The following LMNB1 variants were observed in gnomAD, a reference collection of about 807,000 sequenced individuals.
LMNB1 encodes the protein lamin B1.
In LMNB1, 23 loss-of-function variants were observed where a neutral mutation model predicts 67.1. That is an observed-to-expected ratio of 0.34 (90% CI 0.25 to 0.49). The LOEUF (loss-of-function observed/expected upper bound fraction) is 0.49, where lower values mean the gene tolerates loss of function less well. LMNB1 is among the 20% of genes least tolerant of loss of function. LMNB1 has a pLI of 0.99. For missense variants in LMNB1, 634 were observed against 746.5 expected (o/e 0.85, Z 1.76); for synonymous variants, 281 against 282.9 (o/e 0.99, Z 0.07).
Position 126,832,705 on chromosome 5 carries a change from A to G in LMNB1, c.1623A>G (p.Gln541=), listed in dbSNP as rs1194916115. 18 of 1,611,762 alleles carry G rather than the reference A, an allele frequency of 1.1e-5. No homozygotes were observed. Among genetic ancestry groups the G allele is most frequent in the Non-Finnish European group, 1.4e-5 (17 of 1,178,344 alleles). ...ACTATTGTTTTTAGGAGGTTGCTCA[A>G]AGAAGTACAGTCTTTAAAACAACCA... ...LKNSQGEEVA[Q]RSTVFKTTIP... is the part of the protein sequence containing the mutation. The change falls in exon 10 of 11, where the codon CAA becomes CAG. Residue 541 remains glutamine (Q), a synonymous_variant. Transcript: ENST00000261366.
rs200606121 is a variant in LMNB1 at position 126,825,994 on chromosome 5, G to T, written c.1498G>T (p.Ala500Ser). The T allele has an allele frequency of 5.6e-5, 90 of 1,613,734 alleles. 1 individual carries two copies. The East Asian group carries it at 1.4e-3, about 26-fold the overall frequency. The change falls in exon 9 of 11, where the codon GCT becomes TCT. Residue 500 changes from alanine (A) to serine (S), a missense_variant. Transcript: ENST00000261366. ...LKAGQTVTIWAANAGVTASPP... is the reference protein window; with the variant it reads ...LKAGQTVTIWSANAGVTASPP... The stretch of plus-strand genomic sequence containing the variant: ...ATGCTTTGGTTTTTTACAGATTTGG[G>T]CTGCAAACGCTGGTGTCACAGCCAG...
At chr5:126,777,983 TTCTGAA>T in intron 1 of LMNB1, 116 bp downstream of exon 1, 2 of 935,146 alleles carry the variant, frequency 2.1e-6, no homozygotes, top group Non-Finnish European at 2.9e-6. Flanking sequence ...GCACGCGTCC[TTCTGAA>T]GGAACAGGGT....
Position 126,832,724 on chromosome 5 carries a change from A to G in LMNB1, c.1642A>G (p.Thr548Ala). ...EVAQRSTVFKTTIPEEEEEEE... is the reference protein window; with the variant it reads ...EVAQRSTVFKATIPEEEEEEE... Reference sequence around the variant, plus strand: ...TGCTCAAAGAAGTACAGTCTTTAAAACAACCATACCTGAAGAAGAGGAGGA... The same window carrying G: ...TGCTCAAAGAAGTACAGTCTTTAAAGCAACCATACCTGAAGAAGAGGAGGA... Residue 548 changes from threonine (T) to alanine (A), a missense_variant, in exon 10 of 11, where the codon ACA (threonine) becomes GCA (alanine). Thr to Ala is a moderately conservative substitution (Grantham distance 58). Coordinates refer to ENST00000261366, the MANE Select transcript of LMNB1 (RefSeq NM_005573.4). 2 of 1,613,176 alleles carry G rather than the reference A, an allele frequency of 1.2e-6. No homozygotes were observed. The highest frequency in any genetic ancestry group is 1.1e-5 in the South Asian group (1 of 91,024).
At chr5:126,794,596 G>A (rs1414635027) in intron 1 of LMNB1, among the ~76,000 whole-genome samples, 1 of 152,186 alleles carries the variant, frequency 6.6e-6, no homozygotes, top group African/African-American at 2.4e-5. Context: ...AGTCACTTGA[G>A]TACTGCACTA....
chr5:126,813,232 A>G (rs959611745), intron 5 of LMNB1, among the ~76,000 whole-genome samples: 4 of 152,230 alleles, frequency 2.6e-5, no homozygotes, highest in African/African-American at 4.8e-5. Context: ...TTTGTTACTT[A>G]CGGCACAAAT....
intron 5 of LMNB1, among the ~76,000 whole-genome samples, chr5:126,814,562 G>C (rs1222452039): frequency 1.3e-5 from 2 of 148,508 alleles, no homozygotes; most frequent in African/African-American, 5.0e-5. Context: ...TTTTGAGACA[G>C]AATTTTGCTT....
chr5:126,829,728 G>A (rs1316399216), intron 9 of LMNB1, among the ~76,000 whole-genome samples: 1 of 152,044 alleles, frequency 6.6e-6, no homozygotes, highest in Non-Finnish European at 1.5e-5. Flanking sequence ...GACTAGGGTG[G>A]GTCACGTGCC....
At chr5:126,779,893 G>T (rs1307792443) in intron 1 of LMNB1, among the ~76,000 whole-genome samples, 1 of 152,184 alleles carries the variant, frequency 6.6e-6, no homozygotes, top group Non-Finnish European at 1.5e-5. Flanking sequence ...TTATCCAGAC[G>T]TGGTGGCATG....
Position 126,791,955 on chromosome 5 carries a change from G to A in LMNB1, c.360-12821G>A, listed in dbSNP as rs151039896. Among the ~76,000 whole-genome samples, 690 of 151,602 alleles carry A rather than the reference G, an allele frequency of 4.6e-3. 12 individuals carry two copies. Among genetic ancestry groups the A allele is most frequent in the African/African-American group, 0.016 (662 of 41,246 alleles). Reference sequence around the variant, plus strand: ...CCACCATGACACCGGGCTGATTTTCGTATTTTTAGTAGAGACGGGGTTTCA... The same window carrying A: ...CCACCATGACACCGGGCTGATTTTCATATTTTTAGTAGAGACGGGGTTTCA... On this transcript the variant is annotated intron_variant, in intron 1 of 10. Transcript: ENST00000261366.
chr5:126,826,932 T>C (rs1244238940), intron 9 of LMNB1, among the ~76,000 whole-genome samples: 2 of 152,212 alleles, frequency 1.3e-5, no homozygotes, highest in Non-Finnish European at 2.9e-5. Flanking sequence ...TTAGTTGTAA[T>C]ACTGCTTTTT....
At position 126,825,008 on chromosome 5, in the gene LMNB1, G is replaced by C. The variant is rs954814379; in HGVS notation, c.1492-980G>C. On this transcript the variant is annotated intron_variant, in intron 8 of 10. Transcript: ENST00000261366. ...TGGCCCCCATTTTGAAATAATACTT[G>C]GCTTTGCCATCTTCAGCTTTCCTTT... Among the ~76,000 whole-genome samples, 5 of 152,036 alleles carry C rather than the reference G, an allele frequency of 3.3e-5. No homozygotes were observed. In the East Asian group the frequency reaches 9.6e-4, roughly 29 times the overall value.
At chr5:126,805,403 C>T (rs998198103) in intron 2 of LMNB1, among the ~76,000 whole-genome samples, 168 bp from the exon 3 acceptor site, 1 of 152,122 alleles carries the variant, frequency 6.6e-6, no homozygotes, top group Non-Finnish European at 1.5e-5. Flanking sequence ...TGGGTGGGAC[C>T]AGCAAATGAA....
At chr5:126,785,072 C>T (rs1415154604) in intron 1 of LMNB1, among the ~76,000 whole-genome samples, 1 of 151,708 alleles carries the variant, frequency 6.6e-6, no homozygotes, top group East Asian at 1.9e-4. Context: ...CTCTGCCTCC[C>T]GGGTTCAAGT....
intron 9 of LMNB1, among the ~76,000 whole-genome samples, chr5:126,826,829 G>C (rs558846837): frequency 3.9e-5 from 6 of 152,328 alleles, no homozygotes; most frequent in Admixed American, 2.0e-4. Flanking sequence ...CCTCTGTTTA[G>C]AATTTGAGTC....
intron 1 of LMNB1, 130 bp downstream of exon 1, chr5:126,777,997 G>A: frequency 1.2e-6 from 1 of 805,932 alleles, no homozygotes; most frequent in Non-Finnish European, 1.8e-6. Flanking sequence ...GAAGGAACAG[G>A]GTCTCGGTCT....
chr5:126,832,366 T>A (rs114111168), intron 9 of LMNB1, among the ~76,000 whole-genome samples: 2,141 of 152,138 alleles, frequency 0.014, 19 homozygotes, highest in East Asian at 0.034. Flanking sequence ...TGGAGTGCAG[T>A]GGCGTGATCT....
chr5:126,791,183 C>G (rs987197622), intron 1 of LMNB1, among the ~76,000 whole-genome samples: 1 of 151,972 alleles, frequency 6.6e-6, no homozygotes, highest in South Asian at 2.1e-4. Context: ...CAGGGATGTT[C>G]CTTGTTGTAG....
chr5:126,781,598 G>A (rs1007789132), intron 1 of LMNB1, among the ~76,000 whole-genome samples: 2 of 151,844 alleles, frequency 1.3e-5, no homozygotes, highest in African/African-American at 2.4e-5. Flanking sequence ...CACCACACCC[G>A]GCTAATTTTG....
In LMNB1 at chr5:126,777,770, G is replaced by C. The variant is rs1260021022; in HGVS notation, c.262G>C (p.Asp88His). Reference protein sequence around the residue: ...LKALYETELADARRALDDTAR... With the variant: ...LKALYETELAHARRALDDTAR... ...GGCGCTCTACGAGACCGAGCTGGCC[G>C]ACGCGCGACGCGCGCTCGACGACAC... Residue 88 changes from aspartate (D) to histidine (H), a missense_variant, in exon 1 of 11, where the codon GAC becomes CAC. Coordinates refer to ENST00000261366, the MANE Select transcript of LMNB1 (RefSeq NM_005573.4). The C allele has an allele frequency of 3.3e-6, 5 of 1,513,762 alleles. No individual in the cohort carries two copies. Among genetic ancestry groups the C allele is most frequent in the Non-Finnish European group, 1.8e-6 (2 of 1,128,072 alleles). The allele number at this position is 1,513,762 out of a possible 1,614,324, so 93.8% of individuals were successfully genotyped here. A position where few individuals can be genotyped will look rare whatever the true frequency, so the allele number is the denominator to read the frequency against.
Sources: gnomAD v4.1 joint callset for allele counts (sites outside exome capture counted in the v4.1 genomes callset) on GRCh38, gnomAD v4.1.1 for gene constraint, MANE v1.5 for transcripts, NCBI Gene and HGNC (gene_info 2026-07-23, HGNC 2026-07-21) for gene names.